GRAMD2A: variants seen among roughly 807,000 people sequenced by gnomAD.
The protein encoded by GRAMD2A is GRAM domain-containing protein 2A.
A neutral mutation model predicts 51.1 loss-of-function variants in GRAMD2A; 37 were observed. That is an observed-to-expected ratio of 0.72 (90% confidence interval 0.56 to 0.95). The LOEUF (loss-of-function observed/expected upper bound fraction) is 0.95, where lower values mean the gene tolerates loss of function less well. GRAMD2A is among the 40% of genes least tolerant of loss of function. The pLI is 0.00. For missense variants in GRAMD2A, 414 were observed against 426.9 expected (o/e 0.97, Z 0.27); for synonymous variants, 136 against 157.1 (o/e 0.87, Z 1.01).
chr15:72,187,859 G>T (rs547980135), intron 1 of GRAMD2A, among the ~76,000 whole-genome samples: 12 of 152,214 alleles, frequency 7.9e-5, no homozygotes, highest in Non-Finnish European at 1.8e-4. Context: ...GATTTTAAAG[G>T]CTTAAAGTTA....
At position 72,180,484 on chromosome 15, in the gene GRAMD2A, C is replaced by T. The variant is rs573423244; in HGVS notation, c.42-10545G>A. 2.9e-3 allele frequency among the ~76,000 whole-genome samples: 436 copies of T among 152,384 alleles called. 1 individual carries two copies. Among genetic ancestry groups the T allele is most frequent in the African/African-American group, 9.8e-3 (407 of 41,596 alleles). On this transcript the variant is annotated intron_variant, in intron 1 of 11. Transcript: ENST00000309731. ...CCTGCTAAGTGAGGGGGCCTGCAGA[C>T]AGGCTGAGCCGCTCAGACGCCCCCA...
chr15:72,163,827 C>T, intron 8 of GRAMD2A, 70 bp from the exon 9 acceptor site: 1 of 1,506,046 alleles, frequency 6.6e-7, no homozygotes, highest in Non-Finnish European at 9.0e-7. Context: ...GAGCCCACAC[C>T]AGGTTTATCA....
Position 72,160,333 on chromosome 15 carries a change from CAAAAAAAAA to C in GRAMD2A, c.*1667_*1675del, listed in dbSNP as rs11296860. On this transcript the variant is annotated 3_prime_UTR_variant, in exon 12 of 12. Coordinates refer to ENST00000309731, the MANE Select transcript of GRAMD2A (RefSeq NM_001012642.3). Reference sequence around the variant, plus strand: ...ATGAAAGGGTGAAAGGGGCTGGTTCCAAAAAAAAAAAAAAAAAAAGGATGACCATTCATG... The same window carrying C: ...ATGAAAGGGTGAAAGGGGCTGGTTCCAAAAAAAAAAGGATGACCATTCATG... 5.5e-5 allele frequency: 6 copies of C among 109,104 alleles called. No homozygotes were observed. The highest frequency in any genetic ancestry group is 1.1e-4 in the Non-Finnish European group (6 of 52,228). The allele number at this position is 109,104 out of a possible 1,614,324, so 6.8% of individuals were successfully genotyped here. A position where few individuals can be genotyped will look rare whatever the true frequency, so the allele number is the denominator to read the frequency against.
intron 1 of GRAMD2A, among the ~76,000 whole-genome samples, chr15:72,188,927 G>T (rs981901716): frequency 2.6e-5 from 4 of 152,122 alleles, no homozygotes; most frequent in African/African-American, 7.2e-5. Context: ...CAGGTGATCT[G>T]CCCACCTCAG....
intron 4 of GRAMD2A, 147 bp downstream of exon 4, chr15:72,168,344 C>T: frequency 1.5e-6 from 1 of 675,002 alleles, no homozygotes; most frequent in Non-Finnish European, 2.7e-6. Flanking sequence ...TCTCACCAGC[C>T]CAGTCTTCTC....
At position 72,168,851 on chromosome 15, in the gene GRAMD2A, C is replaced by T. The variant is rs569579578; in HGVS notation, c.192+88G>A. On this transcript the variant is annotated intron_variant, in intron 3 of 11. Coordinates refer to ENST00000309731, the MANE Select transcript of GRAMD2A (RefSeq NM_001012642.3). ...TCTCCTGATTTCCTGATGACAGGCC[C>T]GGTGGCCAAGGAGCCAAAAGTCACT... is the stretch of plus-strand genomic sequence containing the variant. 6.1e-4 allele frequency: 733 copies of T among 1,197,458 alleles called. 8 individuals are homozygous for T. The African/African-American group carries it at 9.8e-3, about 16-fold the overall frequency. The allele number at this position is 1,197,458 out of a possible 1,614,324, so 74.2% of individuals were successfully genotyped here.
Position 72,169,722 on chromosome 15 carries a change from C to T in GRAMD2A, c.134+125G>A, listed in dbSNP as rs1372989658. ...GGAAGAAGCCTGGGGCAGCCTGTGCCTGACCTCACAGACCTGCAAAGGGGC... is the reference window on the plus strand; with the variant it reads ...GGAAGAAGCCTGGGGCAGCCTGTGCTTGACCTCACAGACCTGCAAAGGGGC... On this transcript the variant is annotated intron_variant, in intron 2 of 11. Transcript: ENST00000309731. The T allele has an allele frequency of 1.5e-5, 11 of 757,982 alleles. No individual in the cohort carries two copies. In the African/African-American group the frequency reaches 1.9e-4, roughly 13 times the overall value. The allele number at this position is 757,982 out of a possible 1,614,324, so 47.0% of individuals were successfully genotyped here. A position where few individuals can be genotyped will look rare whatever the true frequency, so the allele number is the denominator to read the frequency against.
chr15:72,162,427 A>C, intron 10 of GRAMD2A, 50 bp from the exon 11 acceptor site: 3 of 1,407,112 alleles, frequency 2.1e-6, no homozygotes, highest in Non-Finnish European at 3.0e-6. Context: ...CAGAAAGAGC[A>C]TTTCTGGAAG....
intron 1 of GRAMD2A, among the ~76,000 whole-genome samples, chr15:72,172,900 C>A (rs943080603): frequency 6.6e-6 from 1 of 152,122 alleles, no homozygotes; most frequent in Admixed American, 6.6e-5. Context: ...GGTCTCAGTC[C>A]TCTCACAGGA....
intron 1 of GRAMD2A, among the ~76,000 whole-genome samples, chr15:72,196,043 T>C (rs950835320): frequency 6.6e-6 from 1 of 152,236 alleles, no homozygotes; most frequent in Admixed American, 6.5e-5. Flanking sequence ...GAACTTCTAT[T>C]TGGCCCCAGC....
At chr15:72,185,044 T>C (rs946190960) in intron 1 of GRAMD2A, among the ~76,000 whole-genome samples, 12 of 152,204 alleles carry the variant, frequency 7.9e-5, no homozygotes, top group Admixed American at 5.9e-4. Context: ...CAATAAATGG[T>C]ATTGGGGCAA....
intron 1 of GRAMD2A, chr15:72,175,607 C>A (rs1276960008): frequency 6.6e-6 from 1 of 152,378 alleles, no homozygotes; most frequent in Non-Finnish European, 1.5e-5. Context: ...GGTGAAACGT[C>A]ACCACCTCTG....
At chr15:72,169,674 T>A (rs753289109) in intron 2 of GRAMD2A, 173 bp downstream of exon 2, 75 of 698,302 alleles carry the variant, frequency 1.1e-4, no homozygotes, top group Middle Eastern at 2.3e-4. Flanking sequence ...CCCAGTGCAC[T>A]GGGACAGTCT....
At position 72,164,411 on chromosome 15, in the gene GRAMD2A, AT is replaced by A. The variant is rs57619595; in HGVS notation, c.601-655del. 1.6e-3 allele frequency among the ~76,000 whole-genome samples: 227 copies of A among 143,604 alleles called. 1 individual carries two copies. The highest frequency in any genetic ancestry group is 4.6e-3 in the African/African-American group (180 of 38,884). The allele number at this position is 143,604 out of a possible 152,430, so 94.2% of individuals were successfully genotyped here. A position where few individuals can be genotyped will look rare whatever the true frequency, so the allele number is the denominator to read the frequency against. On this transcript the variant is annotated intron_variant, in intron 8 of 11. Coordinates refer to ENST00000309731, the MANE Select transcript of GRAMD2A (RefSeq NM_001012642.3). ...GAGTTCTTCCCTAGGGACATCTTTT[AT>A]TTTTTTTTTTTTTGACAGGGTCTCC...
intron 1 of GRAMD2A, among the ~76,000 whole-genome samples, chr15:72,197,400 G>A (rs2081816231): frequency 6.6e-6 from 1 of 152,216 alleles, no homozygotes; most frequent in Admixed American, 6.5e-5. Flanking sequence ...ACAGAGTGGC[G>A]AGGCGGAGAT....
intron 1 of GRAMD2A, among the ~76,000 whole-genome samples, chr15:72,181,124 G>A (rs894881296): frequency 8.5e-5 from 13 of 152,246 alleles, no homozygotes; most frequent in Non-Finnish European, 1.2e-4. Context: ...TGCAGCATGT[G>A]TGAGAAAGCT....
rs886517271 is a variant in GRAMD2A, at chr15:72,166,474, G to A, written c.543+158C>T. On this transcript the variant is annotated intron_variant, in intron 7 of 11. Transcript: ENST00000309731. The surrounding 1 kb of genome is among the most constrained non-coding windows in gnomAD (Gnocchi z 4.1). ...TTGCAAGCATAGACACACAATCCAAGTACTGTCTCTTGTACATTGAGCCTG... is the reference window on the plus strand; with the variant it reads ...TTGCAAGCATAGACACACAATCCAAATACTGTCTCTTGTACATTGAGCCTG... 6.6e-6 allele frequency among the ~76,000 whole-genome samples: 1 copy of A among 152,296 alleles called. No homozygotes were observed. Among genetic ancestry groups the A allele is most frequent in the Non-Finnish European group, 1.5e-5 (1 of 68,022 alleles).
chr15:72,168,469 G>A (rs1371461153), intron 4 of GRAMD2A, 22 bp downstream of exon 4: 8 of 1,597,610 alleles, frequency 5.0e-6, no homozygotes, highest in Non-Finnish European at 1.7e-6. Flanking sequence ...TGCCTAACCA[G>A]CTATACCGGG....
At chr15:72,169,557 G>C in intron 2 of GRAMD2A, 1 of 602,964 alleles carries the variant, frequency 1.7e-6, no homozygotes, top group Non-Finnish European at 3.1e-6. Flanking sequence ...GGGAGAGGGG[G>C]ATGGCACTGA....
Sources: gnomAD v4.1 joint callset for allele counts (sites outside exome capture counted in the v4.1 genomes callset) on GRCh38, gnomAD v4.1.1 for gene constraint, Gnocchi (gnomAD v3.1) non-coding constraint, MANE v1.5 for transcripts, NCBI Gene and HGNC (gene_info 2026-07-23, HGNC 2026-07-21) for gene names.